TXNRD2: variants seen among roughly 807,000 people sequenced by gnomAD.
TXNRD2 encodes thioredoxin reductase 2, mitochondrial.
Under a neutral mutation model 70.8 loss-of-function variants are expected in TXNRD2, and 67 were observed. The ratio of observed to expected loss-of-function variants is 0.95; its 90% confidence interval spans 0.78 to 1.16. The LOEUF is 1.16. Ranked by LOEUF, TXNRD2 falls within the 50% of genes most tolerant of loss-of-function variation. TXNRD2 has a pLI of 0.00. For synonymous variants in TXNRD2, 301 were observed against 295.8 expected (o/e 1.02, Z -0.18); for missense variants, 644 against 719.9 (o/e 0.89, Z 1.21).
chr22:19,915,198 C>T lies in TXNRD2; in HGVS notation c.591+16G>A, dbSNP rs754333289. On this transcript the variant is annotated intron_variant, in intron 7 of 17. Transcript: ENST00000400521. ...GGGCCACGGCAGCAGGGACGCTATG[C>T]TCTGGGGACACTCACGTGCGTGGGG... 5.0e-6 allele frequency: 8 copies of T among 1,613,214 alleles called. No homozygotes were observed. The highest frequency in any genetic ancestry group is 3.3e-5 in the Admixed American group (2 of 59,870).
chr22:19,890,043 G>A (rs1025690672), intron 11 of TXNRD2, among the ~76,000 whole-genome samples: 4 of 152,226 alleles, frequency 2.6e-5, no homozygotes, highest in Non-Finnish European at 5.9e-5. Context: ...CTGGACATAA[G>A]TGTGAACTAG....
rs1941714329 is a variant in TXNRD2, at chr22:19,941,542, C to T, written c.103+159G>A. ...GGGGCTACTTGTGGCTAGAAGCAGCCCGGACTCCTGAGCAAGACTAGACCA... is the reference window on the plus strand; with the variant it reads ...GGGGCTACTTGTGGCTAGAAGCAGCTCGGACTCCTGAGCAAGACTAGACCA... On this transcript the variant is annotated intron_variant, in intron 1 of 17. Transcript: ENST00000400521. 3.2e-6 allele frequency: 4 copies of T among 1,238,940 alleles called. No individual in the cohort carries two copies. In the African/African-American group the frequency reaches 4.8e-5, roughly 15 times the overall value. The allele number at this position is 1,238,940 out of a possible 1,614,324, so 76.7% of individuals were successfully genotyped here. A position where few individuals can be genotyped will look rare whatever the true frequency, so the allele number is the denominator to read the frequency against.
At chr22:19,917,366 G>A (rs1052819059) in intron 5 of TXNRD2, among the ~76,000 whole-genome samples, 9 of 152,208 alleles carry the variant, frequency 5.9e-5, no homozygotes, top group Non-Finnish European at 1.0e-4. Flanking sequence ...GAGCTTGTGA[G>A]GTCCAGGTGG....
chr22:19,922,186 T>C (rs1227953461), intron 2 of TXNRD2, among the ~76,000 whole-genome samples: 1 of 152,220 alleles, frequency 6.6e-6, no homozygotes. Context: ...CAATGGAGAC[T>C]GACTTGGAAC....
chr22:19,892,694 G>A (rs1479471081), intron 11 of TXNRD2, among the ~76,000 whole-genome samples: 1 of 152,196 alleles, frequency 6.6e-6, no homozygotes, highest in East Asian at 1.9e-4. Context: ...TTATGCTGTG[G>A]GTGAACGGAG....
intron 8 of TXNRD2, among the ~76,000 whole-genome samples, chr22:19,901,968 G>A (rs3788315): frequency 0.11 from 16,793 of 152,202 alleles, 1,422 homozygotes; most frequent in East Asian, 0.45. Context: ...GGAGGCCAAG[G>A]TGGACAGACT....
intron 12 of TXNRD2, chr22:19,881,117 C>T: frequency 2.2e-6 from 1 of 461,746 alleles, no homozygotes; most frequent in Non-Finnish European, 3.8e-6. Context: ...TAAAAAGGGA[C>T]CCCAAAGCGT....
At chr22:19,914,811 T>G (rs1164241207) in intron 7 of TXNRD2, 1 of 287,438 alleles carries the variant, frequency 3.5e-6, no homozygotes, top group Non-Finnish European at 6.8e-6. Context: ...GTGTGAATTT[T>G]ATTTCAAACT....
At chr22:19,895,043 G>A (rs1939435876) in intron 11 of TXNRD2, 1 of 1,569,674 alleles carries the variant, frequency 6.4e-7, no homozygotes, top group South Asian at 1.1e-5. Context: ...TTTATGTGCT[G>A]AAACCTTAAT....
chr22:19,920,300 G>A (rs1006954993), intron 2 of TXNRD2, among the ~76,000 whole-genome samples: 1 of 152,224 alleles, frequency 6.6e-6, no homozygotes, highest in African/African-American at 2.4e-5. Flanking sequence ...AGCCAGGACC[G>A]GGCATGGTGG....
At chr22:19,932,296 C>T in intron 1 of TXNRD2, 2 of 1,611,678 alleles carry the variant, frequency 1.2e-6, no homozygotes, top group Non-Finnish European at 1.7e-6. Flanking sequence ...ACAGGGAGAG[C>T]TGCCTGGGCT....
At chr22:19,884,808 G>A (rs145579676) in intron 11 of TXNRD2, among the ~76,000 whole-genome samples, 110 of 152,260 alleles carry the variant, frequency 7.2e-4, no homozygotes, top group African/African-American at 2.4e-3. Flanking sequence ...CCCGTAACCC[G>A]CTAGTAGAGG....
At chr22:19,923,361 C>A (rs1355646835) in intron 2 of TXNRD2, among the ~76,000 whole-genome samples, 1 of 152,150 alleles carries the variant, frequency 6.6e-6, no homozygotes, top group Non-Finnish European at 1.5e-5. Flanking sequence ...CTTCTCCAAA[C>A]CTCTGTTCAG....
intron 16 of TXNRD2, among the ~76,000 whole-genome samples, chr22:19,877,584 C>G (rs1938567451): frequency 6.6e-6 from 1 of 152,204 alleles, no homozygotes; most frequent in Non-Finnish European, 1.5e-5. Flanking sequence ...CACCACCTCC[C>G]AGGCCCCACA....
rs1940233165 is a variant in TXNRD2 at position 19,909,567 on chromosome 22, T to TACACACACCACTCAC, written c.662+1809_662+1810insGTGAGTGGTGTGTGT. Among the ~76,000 whole-genome samples the TACACACACCACTCAC allele has an allele frequency of 1.4e-4, 13 of 95,072 alleles. 1 individual carries two copies. The highest frequency in any genetic ancestry group is 4.2e-4 in the South Asian group (1 of 2,370). The allele number at this position is 95,072 out of a possible 152,430, so 62.4% of individuals were successfully genotyped here. On this transcript the variant is annotated intron_variant, in intron 8 of 17. Coordinates refer to ENST00000400521, the MANE Select transcript of TXNRD2 (RefSeq NM_006440.5). Reference sequence around the variant, plus strand: ...CATAACCACTCACACACTACTCACATACACACACCACACACACACACCACA... The same window carrying TACACACACCACTCAC: ...CATAACCACTCACACACTACTCACATACACACACCACTCACACACACACCACACACACACACCACA...
Position 19,918,892 on chromosome 22 carries a change from G to T in TXNRD2, c.342C>A (p.Gly114=). 1 of 1,612,108 alleles carries T rather than the reference G, an allele frequency of 6.2e-7. No homozygotes were observed. Among genetic ancestry groups the T allele is most frequent in the Non-Finnish European group, 8.5e-7 (1 of 1,180,006 alleles). Residue 114 remains glycine, a synonymous_variant, in exon 4 of 18, where the codon GGC becomes GGA. Coordinates refer to ENST00000400521, the MANE Select transcript of TXNRD2 (RefSeq NM_006440.5). ...GGLIQDAPNY[G]WEVAQPVPHD... ...GCGGCACGGGCTGGGCCACCTCCCA[G>T]CCATAGTTGGGGGCATCTTGGATCA...
At chr22:19,879,090 G>A (rs1938638461) in intron 14 of TXNRD2, among the ~76,000 whole-genome samples, 1 of 152,226 alleles carries the variant, frequency 6.6e-6, no homozygotes, top group East Asian at 1.9e-4. Context: ...TCAACATTGT[G>A]AAACATAAAA....
intron 1 of TXNRD2, among the ~76,000 whole-genome samples, chr22:19,939,839 A>G (rs1407431274): frequency 7.2e-5 from 11 of 152,148 alleles, no homozygotes; most frequent in Admixed American, 7.2e-4. Flanking sequence ...AATAGGAGAT[A>G]CCCCATACTT....
chr22:19,924,906 G>A (rs1025076506), intron 2 of TXNRD2, among the ~76,000 whole-genome samples: 1 of 149,162 alleles, frequency 6.7e-6, no homozygotes, highest in African/African-American at 2.5e-5. Context: ...GAGACACTAA[G>A]ATAAAAATAG....
Sources: allele counts gnomAD v4.1 joint callset (sites outside exome capture counted in the v4.1 genomes callset), GRCh38; gene constraint gnomAD v4.1.1; transcripts MANE v1.5; gene names NCBI Gene and HGNC (gene_info 2026-07-23, HGNC 2026-07-21).